The following ZFP69B variants were observed in gnomAD, a reference collection of about 807,000 sequenced individuals.
ZFP69B encodes ZFP69 zinc finger protein B, also known as zinc finger protein 69 homolog B.
A neutral mutation model predicts 19.7 loss-of-function variants in ZFP69B; 20 were observed. That is an observed-to-expected ratio of 1.02 (90% CI 0.71 to 1.48). ZFP69B has a LOEUF of 1.48. Among genes scored for constraint, ZFP69B ranks in the 40% most tolerant of loss-of-function variants. The probability of loss-of-function intolerance (pLI) is 0.00; values close to 1 mark genes in which losing one functional copy is unlikely to be tolerated. For synonymous variants in ZFP69B, 220 were observed against 222.7 expected, an observed-to-expected ratio of 0.99 and a Z score of 0.11; for missense variants, 583 against 632.6, an observed-to-expected ratio of 0.92 and a Z score of 0.84.
At chr1:40,456,851 C>A in intron 2 of ZFP69B, 94 bp from the exon 3 acceptor site, 1 of 1,481,014 alleles carries the variant, frequency 6.8e-7, no homozygotes. Context: ...AAGACAGTAT[C>A]CAGGAAAACT....
At position 40,454,242 on chromosome 1, in the gene ZFP69B, GT is replaced by G. The variant is rs757164224; in HGVS notation, c.170del (p.Leu57Ter). 2 of 1,606,218 alleles carry G rather than the reference GT, an allele frequency of 1.2e-6. No individual in the cohort carries two copies. The highest frequency in any genetic ancestry group is 1.7e-6 in the Non-Finnish European group (2 of 1,175,542). On this transcript the variant is annotated frameshift_variant, in exon 2 of 5. Transcript: ENST00000361584. LOFTEE classifies it high-confidence loss of function. Reference protein sequence around the residue: ...SQDADETQGESLESRVTLGSL... With the variant: ...SQDADETQGEXLESRVTLGSL... ...GATGCTGATGAGACCCAGGGCGAAA[GT>G]TTAGAGAGTAGAGTGACCCTTGGAT...
At chr1:40,454,400 T>G in intron 2 of ZFP69B, 112 bp downstream of exon 2, 1 of 782,654 alleles carries the variant, frequency 1.3e-6, no homozygotes, top group Non-Finnish European at 1.9e-6. Flanking sequence ...TTTTTTTTCT[T>G]TTTTTCATTA....
Position 40,463,701 on chromosome 1 carries a change from A to C in ZFP69B, c.*112A>C. ...GGATTTCCAAAAACGAACATTAAAA[A>C]AAAATGGTTTGGCACAATGTTCCCA... On this transcript the variant is annotated 3_prime_UTR_variant, in exon 5 of 5. Coordinates refer to ENST00000361584, the MANE Select transcript of ZFP69B (RefSeq NM_023070.3). The C allele has an allele frequency of 9.7e-7, 1 of 1,033,822 alleles. No homozygotes were observed. The highest frequency in any genetic ancestry group is 2.6e-5 in the East Asian group (1 of 38,036). 64.0% of individuals were successfully genotyped at this position (1,033,822 alleles called of 1,614,324 possible).
At chr1:40,451,619 A>G (rs914118488) in intron 1 of ZFP69B, among the ~76,000 whole-genome samples, 1 of 139,676 alleles carries the variant, frequency 7.2e-6, no homozygotes, top group Non-Finnish European at 1.5e-5. Context: ...AAAATTCCAC[A>G]TGATCACCTT....
At position 40,463,462 on chromosome 1, in the gene ZFP69B, A is replaced by G. The variant is rs1002878150; in HGVS notation, c.1478A>G (p.His493Arg). The G allele has an allele frequency of 1.2e-6, 2 of 1,614,174 alleles. No homozygotes were observed. The highest frequency in any genetic ancestry group is 4.5e-5 in the East Asian group (2 of 44,858). The change falls in exon 5 of 5, where the codon CAT (histidine) becomes CGT (arginine). Residue 493 changes from histidine to arginine, a missense_variant. Coordinates refer to ENST00000361584, the MANE Select transcript of ZFP69B (RefSeq NM_023070.3). ...AGGCATGATTCATCCTTTGCTAAAC[A>G]TCAGAGAATTCATACTGGAGAAAAA... The part of the protein sequence containing the change: ...AFRHDSSFAK[H>R]QRIHTGEKPY...
Position 40,450,582 on chromosome 1 carries a change from CAT to C in ZFP69B, c.-375_-374del, listed in dbSNP as rs1365122370. On this transcript the variant is annotated 5_prime_UTR_variant, in exon 1 of 5. It adds an upstream start codon to the 5' untranslated region. Transcript: ENST00000361584. ...CTTTTGGAAACATTTTACAGTGATCCATATATGTTCTAGCGTTCTGCCCTATG... is the reference window on the plus strand; with the variant it reads ...CTTTTGGAAACATTTTACAGTGATCCATATGTTCTAGCGTTCTGCCCTATG... 1 of 155,372 alleles carries C rather than the reference CAT, an allele frequency of 6.4e-6. No individual in the cohort carries two copies. The highest frequency in any genetic ancestry group is 1.4e-5 in the Non-Finnish European group (1 of 70,252). The allele number at this position is 155,372 out of a possible 1,614,324, so 9.6% of individuals were successfully genotyped here.
chr1:40,463,309 C>T lies in ZFP69B; in HGVS notation c.1325C>T (p.Thr442Ile), dbSNP rs781586261. Reference sequence around the variant, plus strand: ...CTAACTCAACACCAGAGAACTCATACTGGAGAAAGACCATATAAATGTAAG... The same window carrying T: ...CTAACTCAACACCAGAGAACTCATATTGGAGAAAGACCATATAAATGTAAG... ...TYLTQHQRTHTGERPYKCKEC... is the reference protein window; with the variant it reads ...TYLTQHQRTHIGERPYKCKEC... The change falls in exon 5 of 5, where the codon ACT (threonine) becomes ATT (isoleucine). Residue 442 changes from threonine (T) to isoleucine (I), a missense_variant. Physicochemically the swap from Thr to Ile is moderately conservative, Grantham distance 89. Coordinates refer to ENST00000361584, the MANE Select transcript of ZFP69B (RefSeq NM_023070.3). 6.2e-7 allele frequency: 1 copy of T among 1,614,112 alleles called. No individual in the cohort carries two copies. The highest frequency in any genetic ancestry group is 8.5e-7 in the Non-Finnish European group (1 of 1,180,008).
rs1645297937 is a variant in ZFP69B, at chr1:40,462,538, C to A, written c.554C>A (p.Thr185Asn). 1 of 1,614,106 alleles carries A rather than the reference C, an allele frequency of 6.2e-7. No homozygotes were observed. The highest frequency in any genetic ancestry group is 2.2e-5 in the East Asian group (1 of 44,872). ...ACAAAAGGAAGCAGCATGTATTCCA[C>A]CTTGGGAAGAATCTCCAAATGTAAT... is the stretch of plus-strand genomic sequence containing the variant. ...RFTKGSSMYS[T>N]LGRISKCNKL... is the part of the protein sequence containing the mutation. The change falls in exon 5 of 5, where the codon ACC becomes AAC. Residue 185 changes from threonine to asparagine, a missense_variant. Physicochemically the swap from Thr to Asn is moderately conservative, Grantham distance 65 (BLOSUM62 0). Transcript: ENST00000361584.
intron 2 of ZFP69B, among the ~76,000 whole-genome samples, chr1:40,456,241 T>G (rs1483155983): frequency 6.6e-6 from 1 of 152,242 alleles, no homozygotes; most frequent in Non-Finnish European, 1.5e-5. Context: ...ACAGCATTCC[T>G]GTTTCTCCAC....
intron 1 of ZFP69B, among the ~76,000 whole-genome samples, chr1:40,452,772 T>C (rs1209400302): frequency 6.6e-6 from 1 of 152,160 alleles, no homozygotes; most frequent in East Asian, 1.9e-4. Context: ...CAAGAGAAGA[T>C]CCTTATTTGA....
intron 1 of ZFP69B, among the ~76,000 whole-genome samples, chr1:40,451,849 G>A (rs938297285): frequency 5.9e-5 from 9 of 152,238 alleles, no homozygotes; most frequent in African/African-American, 1.4e-4. Flanking sequence ...GGTGGCTCAT[G>A]CCTGTAATCC....
At position 40,462,778 on chromosome 1, in the gene ZFP69B, AT is replaced by A. The variant is rs1645301663; in HGVS notation, c.797del (p.Leu266Ter). Reference protein sequence around the residue: ...TPGKRSRYNIDLVNHSRSYTK... With the variant: ...TPGKRSRYNIXLVNHSRSYTK... ...GGAAAGAGAAGCAGATACAACATAGATTTAGTTAATCATTCAAGGAGTTATA... is the reference window on the plus strand; with the variant it reads ...GGAAAGAGAAGCAGATACAACATAGATTAGTTAATCATTCAAGGAGTTATA... On this transcript the variant is annotated frameshift_variant, in exon 5 of 5. Coordinates refer to ENST00000361584, the MANE Select transcript of ZFP69B (RefSeq NM_023070.3). LOFTEE classifies it low-confidence loss of function (END_TRUNC). 1 of 1,613,632 alleles carries A rather than the reference AT, an allele frequency of 6.2e-7. No individual in the cohort carries two copies. Among genetic ancestry groups the A allele is most frequent in the East Asian group, 2.2e-5 (1 of 44,878 alleles).
intron 4 of ZFP69B, among the ~76,000 whole-genome samples, chr1:40,460,930 G>A (rs1448356909): frequency 7.0e-6 from 1 of 143,788 alleles, no homozygotes; most frequent in Admixed American, 7.1e-5. Context: ...GCAGTGAGCA[G>A]AGATTGTGCC....
chr1:40,457,898 T>C (rs374077149), intron 4 of ZFP69B, among the ~76,000 whole-genome samples: 1 of 152,226 alleles, frequency 6.6e-6, no homozygotes, highest in South Asian at 2.1e-4. Context: ...GTTGCAACTC[T>C]CTCATTTTAA....
Position 40,450,887 on chromosome 1 carries a change from C to G in ZFP69B, c.-75C>G. On this transcript the variant is annotated 5_prime_UTR_variant, in exon 1 of 5. Coordinates refer to ENST00000361584, the MANE Select transcript of ZFP69B (RefSeq NM_023070.3). ...GGAAGCCTCCTGTCAGAGCTTCCAG[C>G]AATTTCCTCATCAGAGGTGGACAAG... 7.1e-7 allele frequency: 1 copy of G among 1,399,112 alleles called. No individual in the cohort carries two copies. Among genetic ancestry groups the G allele is most frequent in the Non-Finnish European group, 9.4e-7 (1 of 1,068,512 alleles). The allele number at this position is 1,399,112 out of a possible 1,614,324, so 86.7% of individuals were successfully genotyped here. A position where few individuals can be genotyped will look rare whatever the true frequency, so the allele number is the denominator to read the frequency against.
intron 3 of ZFP69B, 24 bp from the exon 4 acceptor site, chr1:40,457,320 C>T: frequency 6.2e-7 from 1 of 1,610,364 alleles, no homozygotes; most frequent in South Asian, 1.1e-5. Context: ...TCAGCATATA[C>T]AGTCTTTTCT....
Position 40,457,019 on chromosome 1 carries a change from G to T in ZFP69B, c.288G>T (p.Arg96=). The change falls in exon 3 of 5, where the codon CGG becomes CGT. Residue 96 remains arginine, a synonymous_variant. Coordinates refer to ENST00000361584, the MANE Select transcript of ZFP69B (RefSeq NM_023070.3). The part of the protein sequence containing the change: ...EEWGQLAPAH[R]NLYREVMLEN... The stretch of plus-strand genomic sequence containing the variant: ...GGGGGCAGCTGGCCCCTGCTCACCG[G>T]AATCTGTACCGGGAGGTGATGCTGG... 1 of 1,613,620 alleles carries T rather than the reference G, an allele frequency of 6.2e-7. No individual in the cohort carries two copies. Among genetic ancestry groups the T allele is most frequent in the Non-Finnish European group, 8.5e-7 (1 of 1,179,784 alleles).
In ZFP69B at chr1:40,463,305, C is replaced by T. The variant is rs755520808; in HGVS notation, c.1321C>T (p.His441Tyr). 13 of 1,613,998 alleles carry T rather than the reference C, an allele frequency of 8.1e-6. No individual in the cohort carries two copies. The highest frequency in any genetic ancestry group is 1.1e-5 in the Non-Finnish European group (13 of 1,180,024). The change falls in exon 5 of 5, where the codon CAT (histidine) becomes TAT (tyrosine). Residue 441 changes from histidine (H) to tyrosine (Y), a missense_variant. Coordinates refer to ENST00000361584, the MANE Select transcript of ZFP69B (RefSeq NM_023070.3). ...ATACCTAACTCAACACCAGAGAACT[C>T]ATACTGGAGAAAGACCATATAAATG... ...STYLTQHQRT[H>Y]TGERPYKCKE... is the part of the protein sequence containing the mutation.
intron 4 of ZFP69B, 42 bp downstream of exon 4, chr1:40,457,481 G>T (rs1415658164): frequency 3.2e-6 from 5 of 1,563,572 alleles, no homozygotes; most frequent in Non-Finnish European, 4.4e-6. Flanking sequence ...GTTAGCCAGA[G>T]AATTCCCCTC....
Sources: gnomAD v4.1 joint callset for allele counts (sites outside exome capture counted in the v4.1 genomes callset) on GRCh38, gnomAD v4.1.1 for gene constraint, MANE v1.5 for transcripts, NCBI Gene and HGNC (gene_info 2026-07-23, HGNC 2026-07-21) for gene names.